SSPN: variants seen among roughly 807,000 people sequenced by gnomAD.
The protein encoded by SSPN is K-ras oncogene-associated protein.
A neutral mutation model predicts 19.1 loss-of-function variants in SSPN; 15 were observed. The observed-to-expected ratio is 0.78, with a 90% CI of 0.52 to 1.21. The LOEUF is 1.21. Among genes scored for constraint, SSPN ranks in the 50% most tolerant of loss-of-function variants. SSPN has a pLI of 0.00. For missense variants in SSPN, 291 were observed against 314.0 expected (o/e 0.93, Z 0.55); for synonymous variants, 147 against 140.3 (o/e 1.05, Z -0.34).
intron 1 of SSPN, among the ~76,000 whole-genome samples, chr12:26,176,226 T>C (rs371818069): frequency 9.2e-5 from 14 of 152,258 alleles, no homozygotes; most frequent in African/African-American, 2.9e-4. Flanking sequence ...TTCACGTAGA[T>C]ATTTTAGCCT....
At chr12:26,181,196 T>C (rs1024240621) in intron 1 of SSPN, 2 of 152,242 alleles carry the variant, frequency 1.3e-5, no homozygotes, top group African/African-American at 2.4e-5. Flanking sequence ...GAAATCTTTT[T>C]CCTTATTTTT....
intron 1 of SSPN, among the ~76,000 whole-genome samples, chr12:26,187,978 T>C (rs1944764317): frequency 6.6e-6 from 1 of 151,998 alleles, no homozygotes; most frequent in African/African-American, 2.4e-5. Context: ...GAAAACTGAA[T>C]AGGAAAAGAC....
chr12:26,135,001 G>A (rs1366658674), intron 1 of SSPN: 3 of 152,290 alleles, frequency 2.0e-5, no homozygotes, highest in Non-Finnish European at 4.4e-5. Context: ...GTGCCCAGAA[G>A]GCAGTAAGCT....
At chr12:26,150,383 C>T (rs1944518526) in intron 1 of SSPN, among the ~76,000 whole-genome samples, 1 of 152,182 alleles carries the variant, frequency 6.6e-6, no homozygotes. Flanking sequence ...ACATTTCAGT[C>T]TCTTACCCAG....
chr12:26,173,942 G>T (rs1352209622), intron 1 of SSPN, among the ~76,000 whole-genome samples: 1 of 152,118 alleles, frequency 6.6e-6, no homozygotes, highest in Non-Finnish European at 1.5e-5. Flanking sequence ...AAATTCATTT[G>T]CAGCCATCTC....
intron 1 of SSPN, among the ~76,000 whole-genome samples, chr12:26,174,507 T>TCCTTCCTTCCTTCCTTCCTTCTTTC (rs1944672157): frequency 8.6e-6 from 1 of 116,750 alleles, no homozygotes; most frequent in Non-Finnish European, 1.7e-5. Flanking sequence ...TTCCTTCCCT[T>TCCTTCCTTCCTTCCTTCCTTCTTTC]CCTTCCTTCC....
intron 1 of SSPN, among the ~76,000 whole-genome samples, chr12:26,183,792 G>A (rs537349447): frequency 8.5e-5 from 13 of 152,304 alleles, no homozygotes; most frequent in East Asian, 1.9e-4. Context: ...ACTGCCAGTC[G>A]GAGGGTGATT....
At chr12:26,164,547 A>G (rs1381459658) in intron 1 of SSPN, among the ~76,000 whole-genome samples, 2 of 152,232 alleles carry the variant, frequency 1.3e-5, no homozygotes, top group African/African-American at 4.8e-5. Context: ...CTCTAAACAA[A>G]TAAACCTATG....
At chr12:26,165,717 G>C (rs1944616656) in intron 1 of SSPN, among the ~76,000 whole-genome samples, 1 of 152,172 alleles carries the variant, frequency 6.6e-6, no homozygotes, top group Admixed American at 6.5e-5. Context: ...TAGTTTTACA[G>C]TCCACAAAAG....
intron 1 of SSPN, among the ~76,000 whole-genome samples, chr12:26,170,972 C>T (rs1944650462): frequency 6.6e-6 from 1 of 152,180 alleles, no homozygotes; most frequent in African/African-American, 2.4e-5. Context: ...TTTTAATCCT[C>T]ATTTTATGAA....
chr12:26,122,282 C>CGCGGCGGCGGCGGCGGCAGCG, intron 1 of SSPN: 1 of 1,202,352 alleles, frequency 8.3e-7, no homozygotes, highest in Non-Finnish European at 1.0e-6. Context: ...GGCAGGGGAA[C>CGCGGCGGCGGCGGCGGCAGCG]GCGGCGGCGG....
At chr12:26,124,963 C>G in intron 1 of SSPN, 3 of 636,696 alleles carry the variant, frequency 4.7e-6, no homozygotes, top group Non-Finnish European at 8.6e-6. Flanking sequence ...CGCTCGCACA[C>G]ACACACGCAC....
At chr12:26,188,079 T>A (rs1051984141) in intron 1 of SSPN, among the ~76,000 whole-genome samples, 1 of 152,180 alleles carries the variant, frequency 6.6e-6, no homozygotes, top group African/African-American at 2.4e-5. Flanking sequence ...GTACTTATAG[T>A]TCATAGCAAC....
chr12:26,179,069 G>A (rs1462978752), intron 1 of SSPN, among the ~76,000 whole-genome samples: 1 of 152,134 alleles, frequency 6.6e-6, no homozygotes, highest in Admixed American at 6.5e-5. Flanking sequence ...TGAAGCCCTG[G>A]GAAAGGGCTG....
intron 2 of SSPN, among the ~76,000 whole-genome samples, 174 bp downstream of exon 2, chr12:26,224,553 A>AT (rs199856823): frequency 1.3e-4 from 20 of 150,592 alleles, no homozygotes; most frequent in East Asian, 3.9e-4. Flanking sequence ...GGTAATGCTG[A>AT]TTTTTTTTTT....
Position 26,231,148 on chromosome 12 carries a change from T to A in SSPN, c.*72T>A, listed in dbSNP as rs1488431209. 1 of 1,447,012 alleles carries A rather than the reference T, an allele frequency of 6.9e-7. No individual in the cohort carries two copies. The highest frequency in any genetic ancestry group is 9.1e-7 in the Non-Finnish European group (1 of 1,098,924). 89.6% of individuals were successfully genotyped at this position (1,447,012 alleles called of 1,614,324 possible). The stretch of plus-strand genomic sequence containing the variant: ...AGGTTAAACAAACAAAAAAAAATTT[T>A]AAACAAAGAAAGGAAAAAAATTGAC... On this transcript the variant is annotated 3_prime_UTR_variant, in exon 3 of 3. Coordinates refer to ENST00000242729, the MANE Select transcript of SSPN (RefSeq NM_005086.5).
chr12:26,197,019 G>C (rs1019692355), intron 1 of SSPN, among the ~76,000 whole-genome samples: 1 of 152,220 alleles, frequency 6.6e-6, no homozygotes, highest in Non-Finnish European at 1.5e-5. Flanking sequence ...AGTGGGAACT[G>C]TTATTCCTTT....
intron 1 of SSPN, among the ~76,000 whole-genome samples, chr12:26,168,913 G>C (rs17465021): frequency 0.021 from 3,250 of 152,042 alleles, 44 homozygotes; most frequent in Non-Finnish European, 0.036. Flanking sequence ...ATGAAATTGA[G>C]TTAAAGATGA....
intron 1 of SSPN, among the ~76,000 whole-genome samples, chr12:26,189,542 C>T (rs1944775176): frequency 6.6e-6 from 1 of 152,166 alleles, no homozygotes; most frequent in South Asian, 2.1e-4. Flanking sequence ...CTTCAGGCAT[C>T]CCTATCACTT....
Sources: gnomAD v4.1 joint callset for allele counts (sites outside exome capture counted in the v4.1 genomes callset) on GRCh38, gnomAD v4.1.1 for gene constraint, MANE v1.5 for transcripts, NCBI Gene and HGNC (gene_info 2026-07-23, HGNC 2026-07-21) for gene names.